KIAA1958: variants seen among roughly 807,000 people sequenced by gnomAD.
KIAA1958 encodes KIAA1958, also known as uncharacterized protein KIAA1958.
A neutral mutation model predicts 47.2 loss-of-function variants in KIAA1958; 14 were observed. The ratio of observed to expected loss-of-function variants is 0.30; its 90% confidence interval spans 0.20 to 0.46. The LOEUF (loss-of-function observed/expected upper bound fraction) is 0.46. KIAA1958 is among the 20% of genes least tolerant of loss of function. The pLI is 1.00. For synonymous variants in KIAA1958, 354 were observed against 353.3 expected, an observed-to-expected ratio of 1.00 and a Z score of -0.02; for missense variants, 803 against 909.2, an observed-to-expected ratio of 0.88 and a Z score of 1.50.
intron 1 of KIAA1958, among the ~76,000 whole-genome samples, chr9:112,501,967 A>G (rs1215243799): frequency 6.6e-6 from 1 of 152,254 alleles, no homozygotes; most frequent in Admixed American, 6.5e-5. Flanking sequence ...AACGTAGAGC[A>G]ATTTATAGAA....
In KIAA1958 at chr9:112,619,280, C is replaced by G. The variant is rs140847943; in HGVS notation, c.1172-26370C>G. 4.5e-3 allele frequency: 680 copies of G among 152,684 alleles called. 5 individuals are homozygous for G. The highest frequency in any genetic ancestry group is 0.015 in the African/African-American group (609 of 41,556). The allele number at this position is 152,684 out of a possible 1,614,324, so 9.5% of individuals were successfully genotyped here. A position where few individuals can be genotyped will look rare whatever the true frequency, so the allele number is the denominator to read the frequency against. On this transcript the variant is annotated intron_variant, in intron 2 of 3. Transcript: ENST00000337530. ...CTTAACATGCTTGCGTCCTCAACTCCTGCTTTTCGTTCCCACCCCAACTCC... is the reference window on the plus strand; with the variant it reads ...CTTAACATGCTTGCGTCCTCAACTCGTGCTTTTCGTTCCCACCCCAACTCC...
chr9:112,613,567 G>A (rs553009358), intron 2 of KIAA1958, among the ~76,000 whole-genome samples: 1 of 152,140 alleles, frequency 6.6e-6, no homozygotes, highest in Non-Finnish European at 1.5e-5. Context: ...GATTGGAGAA[G>A]ATATTTGTAA....
intron 1 of KIAA1958, among the ~76,000 whole-genome samples, chr9:112,530,514 T>C (rs1370291679): frequency 6.6e-6 from 1 of 152,256 alleles, no homozygotes; most frequent in Non-Finnish European, 1.5e-5. Flanking sequence ...TTGAACAGAT[T>C]ACATTTTTTC....
At chr9:112,566,726 C>T (rs1835432540) in intron 1 of KIAA1958, among the ~76,000 whole-genome samples, 1 of 152,154 alleles carries the variant, frequency 6.6e-6, no homozygotes, top group South Asian at 2.1e-4. Flanking sequence ...TCCACCATCA[C>T]ATTATGTTAT....
chr9:112,543,678 T>C (rs958442275), intron 1 of KIAA1958, among the ~76,000 whole-genome samples: 1 of 151,454 alleles, frequency 6.6e-6, no homozygotes, highest in Admixed American at 6.6e-5. Flanking sequence ...GTTCAAGTGA[T>C]TCTCCTGCCT....
At chr9:112,522,097 G>C (rs1834554963) in intron 1 of KIAA1958, among the ~76,000 whole-genome samples, 2 of 151,986 alleles carry the variant, frequency 1.3e-5, no homozygotes. Flanking sequence ...TCAGCCTCCC[G>C]AGTAGCTGGG....
intron 2 of KIAA1958, chr9:112,617,892 A>T (rs1564191722): frequency 1.3e-6 from 2 of 1,549,316 alleles, no homozygotes; most frequent in Non-Finnish European, 1.7e-6. Context: ...AGAGCAGCTG[A>T]GCTCAGCAGG....
In KIAA1958 at chr9:112,618,284, C is replaced by A. The variant is rs1836440227; in HGVS notation, c.1172-27366C>A. On this transcript the variant is annotated intron_variant, in intron 2 of 3. Transcript: ENST00000337530. The surrounding 1 kb of genome is among the most constrained non-coding windows in gnomAD (Gnocchi z 7.1). The stretch of plus-strand genomic sequence containing the variant: ...CACCTTTGCTGACGAGCTCATCCTG[C>A]GGAAAAGGGGACTGCTAAGCCGATA... The A allele has an allele frequency of 6.4e-7, 1 of 1,550,952 alleles. No homozygotes were observed. The highest frequency in any genetic ancestry group is 1.4e-5 in the African/African-American group (1 of 73,166).
chr9:112,669,104 C>G lies in KIAA1958; in HGVS notation c.*9035C>G, dbSNP rs1041246136. On this transcript the variant is annotated 3_prime_UTR_variant, in exon 4 of 4. Coordinates refer to ENST00000337530, the MANE Select transcript of KIAA1958 (RefSeq NM_133465.4). ...GTTATTGTACCGTCTCCAGCTTTTT[C>G]CTTCTTCCCCCAGATGGTCGCACCT... is the stretch of plus-strand genomic sequence containing the variant. The G allele has an allele frequency of 7.2e-5, 11 of 152,208 alleles. No individual in the cohort carries two copies. Among genetic ancestry groups the G allele is most frequent in the African/African-American group, 2.7e-4 (11 of 41,450 alleles). The allele number at this position is 152,208 out of a possible 1,614,324, so 9.4% of individuals were successfully genotyped here.
chr9:112,568,936 TAAAAAA>T (rs57898820), intron 1 of KIAA1958, among the ~76,000 whole-genome samples: 18 of 36,456 alleles, frequency 4.9e-4, no homozygotes, highest in African/African-American at 1.5e-3. Context: ...ATAGGAAAAC[TAAAAAA>T]AAAAAAAAAA....
In KIAA1958 at chr9:112,636,025, T is replaced by C. The variant is rs560570255; in HGVS notation, c.1172-9625T>C. 2.3e-4 allele frequency among the ~76,000 whole-genome samples: 35 copies of C among 151,328 alleles called. No individual in the cohort carries two copies. In the East Asian group the frequency reaches 5.4e-3, roughly 23 times the overall value. On this transcript the variant is annotated intron_variant, in intron 2 of 3. Transcript: ENST00000337530. ...ATAACTGCATCCCACAACTTTGATA[T>C]GTATTGTCATTATCATTCAGTTGGA...
At chr9:112,569,876 G>A (rs757332875) in intron 1 of KIAA1958, among the ~76,000 whole-genome samples, 3 of 152,006 alleles carry the variant, frequency 2.0e-5, no homozygotes, top group Admixed American at 1.3e-4. Flanking sequence ...CACCCACTTC[G>A]GCTCCTCAAA....
intron 1 of KIAA1958, among the ~76,000 whole-genome samples, chr9:112,568,887 CAAA>C (rs71382445): frequency 1.6e-4 from 12 of 73,108 alleles, no homozygotes; most frequent in African/African-American, 2.7e-4. Flanking sequence ...GACCTTGTCT[CAAA>C]AAAAAAAAAA....
intron 1 of KIAA1958, among the ~76,000 whole-genome samples, chr9:112,569,274 A>G (rs1835489291): frequency 6.6e-6 from 1 of 152,214 alleles, no homozygotes; most frequent in African/African-American, 2.4e-5. Context: ...AATTCATTCT[A>G]CATGTACTCA....
rs140977530 is a variant in KIAA1958, at chr9:112,603,433, C to T, written c.1171+28182C>T. On this transcript the variant is annotated intron_variant, in intron 2 of 3. Transcript: ENST00000337530. Reference sequence around the variant, plus strand: ...TCATTCCCATGTCTTTCCCTTTGCTCGTGCAGCTTCGTCCTAAGATGCCCT... The same window carrying T: ...TCATTCCCATGTCTTTCCCTTTGCTTGTGCAGCTTCGTCCTAAGATGCCCT... Among the ~76,000 whole-genome samples the T allele has an allele frequency of 6.6e-5, 10 of 152,252 alleles. No individual in the cohort carries two copies. The East Asian group carries it at 1.3e-3, about 21-fold the overall frequency.
At chr9:112,600,889 A>G (rs1836120236) in intron 2 of KIAA1958, among the ~76,000 whole-genome samples, 1 of 152,218 alleles carries the variant, frequency 6.6e-6, no homozygotes, top group African/African-American at 2.4e-5. Context: ...TTACTTTCCT[A>G]TTGTATTTGA....
At chr9:112,586,184 A>G (rs1007185693) in intron 2 of KIAA1958, among the ~76,000 whole-genome samples, 8 of 152,236 alleles carry the variant, frequency 5.3e-5, no homozygotes, top group African/African-American at 1.9e-4. Context: ...CAAGGGTGAT[A>G]TATGAATAAC....
chr9:112,656,589 A>C (rs1837155625), intron 3 of KIAA1958, among the ~76,000 whole-genome samples: 1 of 152,146 alleles, frequency 6.6e-6, no homozygotes, highest in South Asian at 2.1e-4. Context: ...ATATTTATAT[A>C]CTTTGGGTTT....
At chr9:112,561,727 C>T (rs1157500424) in intron 1 of KIAA1958, among the ~76,000 whole-genome samples, 2 of 152,092 alleles carry the variant, frequency 1.3e-5, no homozygotes, top group African/African-American at 4.8e-5. Context: ...TGGTGGTGGG[C>T]ACCTGTAACC....
Sources: gnomAD v4.1 joint callset for allele counts (sites outside exome capture counted in the v4.1 genomes callset) on GRCh38, gnomAD v4.1.1 for gene constraint, Gnocchi (gnomAD v3.1) non-coding constraint, MANE v1.5 for transcripts, NCBI Gene and HGNC (gene_info 2026-07-23, HGNC 2026-07-21) for gene names.